The following TYRP1 variants were observed in gnomAD, a reference collection of about 807,000 sequenced individuals.
The protein encoded by TYRP1 is 5,6-dihydroxyindole-2-carboxylic acid oxidase.
Under a neutral mutation model 42.8 loss-of-function variants are expected in TYRP1, and 49 were observed. The ratio of observed to expected loss-of-function variants is 1.14; its 90% CI spans 0.91 to 1.45. The LOEUF is 1.45. Ranked by LOEUF, TYRP1 falls within the 40% of genes most tolerant of loss-of-function variation. The pLI is 0.00. For missense variants in TYRP1, 848 were observed against 662.0 expected (o/e 1.28, Z -3.08); for synonymous variants, 279 against 235.4 (o/e 1.19, Z -1.69).
Position 12,708,154 on chromosome 9 carries a change from A to C in TYRP1, c.1408+11A>C, listed in dbSNP as rs768218812. 2 of 1,612,278 alleles carry C rather than the reference A, an allele frequency of 1.2e-6. No individual in the cohort carries two copies. The highest frequency in any genetic ancestry group is 3.3e-5 in the Admixed American group (2 of 59,772). ...AAATTCAATGGCCAAGTGAGTGTTG[A>C]AAGTGTATTTTTACTGTGATAATTT... On this transcript the variant is annotated intron_variant, in intron 7 of 7. Coordinates refer to ENST00000388918, the MANE Select transcript of TYRP1 (RefSeq NM_000550.3).
chr9:12,701,795 T>C (rs1160687032), intron 4 of TYRP1: 1 of 155,706 alleles, frequency 6.4e-6, no homozygotes, highest in East Asian at 1.9e-4. Flanking sequence ...GGTTGACATA[T>C]GTATCACTTT....
rs1201146073 is a variant in TYRP1, at chr9:12,709,514, A to AAAAT, written c.*335_*338dup. 1.8e-5 allele frequency: 5 copies of AAAAT among 271,422 alleles called. No homozygotes were observed. In the South Asian group the frequency reaches 2.2e-4, roughly 12 times the overall value. The allele number at this position is 271,422 out of a possible 1,614,324, so 16.8% of individuals were successfully genotyped here. ...ACCATGCTTTGTTTACGTGTAAAGG[A>AAAAT]AAATAATGTTTGATAGTAAATGTCC... On this transcript the variant is annotated 3_prime_UTR_variant, in exon 8 of 8. Transcript: ENST00000388918.
At chr9:12,708,580 T>G (rs746309137) in intron 7 of TYRP1, among the ~76,000 whole-genome samples, 5 of 151,942 alleles carry the variant, frequency 3.3e-5, no homozygotes, top group Non-Finnish European at 7.4e-5. Flanking sequence ...TCTTAGGTAT[T>G]TTTCTGAGAT....
At position 12,698,482 on chromosome 9, in the gene TYRP1, C is replaced by T. The variant is rs747320688; in HGVS notation, c.740C>T (p.Pro247Leu). 1.4e-5 allele frequency: 22 copies of T among 1,613,720 alleles called. No individual in the cohort carries two copies. Among genetic ancestry groups the T allele is most frequent in the Non-Finnish European group, 1.9e-5 (22 of 1,179,764 alleles). The change falls in exon 4 of 8, where the codon CCT becomes CTT. Residue 247 changes from proline to leucine, a missense_variant. Coordinates refer to ENST00000388918, the MANE Select transcript of TYRP1 (RefSeq NM_000550.3). The stretch of plus-strand genomic sequence containing the variant: ...TTGCAAGAGCCTTCTTTCTCCCTTC[C>T]TTACTGGAATTTTGCAACGGGGAAA... ...EMLQEPSFSLPYWNFATGKNV... is the reference protein window; with the variant it reads ...EMLQEPSFSLLYWNFATGKNV...
At chr9:12,708,289 A>G (rs2118274095) in intron 7 of TYRP1, 146 bp downstream of exon 7, 1 of 1,008,522 alleles carries the variant, frequency 9.9e-7, no homozygotes, top group Middle Eastern at 2.7e-4. Context: ...AGGATAAGGG[A>G]AGGAATTTGA....
chr9:12,705,217 T>C (rs1388688556), intron 6 of TYRP1, among the ~76,000 whole-genome samples: 1 of 152,036 alleles, frequency 6.6e-6, no homozygotes, highest in African/African-American at 2.4e-5. Context: ...CTCTTTTAAG[T>C]TCATTTCAAT....
chr9:12,709,305 C>A lies in TYRP1; in HGVS notation c.*123C>A, dbSNP rs683. On this transcript the variant is annotated 3_prime_UTR_variant, in exon 8 of 8. Transcript: ENST00000388918. ...TCTTTCTAATACAAGCATATGTTAG[C>A]ATTAAAGTTCTAGGCATACTTTTCA... 578,242 of 1,033,830 alleles carry A rather than the reference C, an allele frequency of 0.56. 181,164 individuals carry two copies. The highest frequency in any genetic ancestry group is 0.66 in the Non-Finnish European group (450,800 of 682,794). The allele number at this position is 1,033,830 out of a possible 1,614,324, so 64.0% of individuals were successfully genotyped here. A position where few individuals can be genotyped will look rare whatever the true frequency, so the allele number is the denominator to read the frequency against.
rs1818112642 is a variant in TYRP1, at chr9:12,698,496, G to A, written c.754G>A (p.Ala252Thr). ...PSFSLPYWNF[A>T]TGKNVCDICT... Reference sequence around the variant, plus strand: ...TTTCTCCCTTCCTTACTGGAATTTTGCAACGGGGAAAAATGTCTGTGATAT... The same window carrying A: ...TTTCTCCCTTCCTTACTGGAATTTTACAACGGGGAAAAATGTCTGTGATAT... Residue 252 changes from alanine (A) to threonine (T), a missense_variant, in exon 4 of 8, where the codon GCA becomes ACA. Transcript: ENST00000388918. 6.2e-7 allele frequency: 1 copy of A among 1,613,772 alleles called. No individual in the cohort carries two copies. The highest frequency in any genetic ancestry group is 8.5e-7 in the Non-Finnish European group (1 of 1,179,794).
At chr9:12,697,591 AAAC>A (rs1475024300) in intron 3 of TYRP1, among the ~76,000 whole-genome samples, 29 of 152,258 alleles carry the variant, frequency 1.9e-4, no homozygotes, top group African/African-American at 7.0e-4. Flanking sequence ...AGATAAGATA[AAAC>A]AATTGCAATC....
At chr9:12,706,262 T>C (rs866286732) in intron 6 of TYRP1, among the ~76,000 whole-genome samples, 1 of 152,140 alleles carries the variant, frequency 6.6e-6, no homozygotes, top group South Asian at 2.1e-4. Context: ...CCGTGGGTGT[T>C]AGTAAACTTT....
chr9:12,708,215 T>A, intron 7 of TYRP1, 72 bp downstream of exon 7: 4 of 1,551,316 alleles, frequency 2.6e-6, no homozygotes, highest in Non-Finnish European at 3.5e-6. Context: ...AGTAGAGTAA[T>A]CACGGTATTC....
intron 7 of TYRP1, 44 bp downstream of exon 7, chr9:12,708,187 C>A: frequency 6.2e-7 from 1 of 1,605,848 alleles, no homozygotes; most frequent in South Asian, 1.1e-5. Flanking sequence ...TTTCCAAAAG[C>A]AAATGTGTTA....
At chr9:12,705,005 C>T (rs142938143) in intron 6 of TYRP1, among the ~76,000 whole-genome samples, 127 of 152,116 alleles carry the variant, frequency 8.3e-4, no homozygotes, top group Middle Eastern at 3.4e-3. Flanking sequence ...TTCTTACCCT[C>T]ATCTTCCAAC....
chr9:12,708,948 T>C (rs779764233), intron 7 of TYRP1, 29 bp from the exon 8 acceptor site: 1 of 1,544,800 alleles, frequency 6.5e-7, no homozygotes. Flanking sequence ...AATATTTGTC[T>C]TTTTATTTTT....
At position 12,693,924 on chromosome 9, in the gene TYRP1, C is replaced by G. The variant is rs963020368; in HGVS notation, c.-73C>G. 2.5e-6 allele frequency: 4 copies of G among 1,592,994 alleles called. No individual in the cohort carries two copies. The highest frequency in any genetic ancestry group is 1.3e-5 in the African/African-American group (1 of 74,330). ...TTCTCTTTTTCAGCTGGATTTTCCT[C>G]TACGTGCTTCAGTCTTCTCTACACA... is the stretch of plus-strand genomic sequence containing the variant. On this transcript the variant is annotated 5_prime_UTR_variant, in exon 2 of 8. Transcript: ENST00000388918.
At position 12,698,660 on chromosome 9, in the gene TYRP1, G is replaced by C. The variant is rs374769303; in HGVS notation, c.913+5G>C. The C allele has an allele frequency of 1.2e-6, 2 of 1,612,664 alleles. No individual in the cohort carries two copies. Among genetic ancestry groups the C allele is most frequent in the Non-Finnish European group, 1.7e-6 (2 of 1,178,938 alleles). On this transcript the variant is annotated splice_donor_5th_base_variant and intron_variant, in intron 4 of 7. Coordinates refer to ENST00000388918, the MANE Select transcript of TYRP1 (RefSeq NM_000550.3). Reference sequence around the variant, plus strand: ...CCCTGGGAACACTTTGTAACAGTAAGTTCCAAATGATAGCTTGGAGTCAGA... The same window carrying C: ...CCCTGGGAACACTTTGTAACAGTAACTTCCAAATGATAGCTTGGAGTCAGA...
chr9:12,705,012 CA>C (rs370663029), intron 6 of TYRP1, among the ~76,000 whole-genome samples: 91 of 152,058 alleles, frequency 6.0e-4, no homozygotes, highest in African/African-American at 2.2e-3. Context: ...CCTCATCTTC[CA>C]ACATAAATTC....
Position 12,708,089 on chromosome 9 carries a change from A to ATGT in TYRP1, c.1356_1358dup (p.Met452_Phe453insLeu), listed in dbSNP as rs1563858023. The stretch of plus-strand genomic sequence containing the variant: ...CTGGCCCCCAGTCACCAACACAGAA[A>ATGT]TGTTTGTTACTGCTCCAGACAACCT... On this transcript the variant is annotated inframe_insertion, in exon 7 of 8. Transcript: ENST00000388918. The ATGT allele has an allele frequency of 1.2e-6, 2 of 1,612,868 alleles. No homozygotes were observed.
Position 12,698,674 on chromosome 9 carries a change from C to T in TYRP1, c.913+19C>T, listed in dbSNP as rs572303764. On this transcript the variant is annotated intron_variant, in intron 4 of 7. Transcript: ENST00000388918. ...TGTAACAGTAAGTTCCAAATGATAG[C>T]TTGGAGTCAGAATTTCTTTTTAGAT... 37 of 1,603,460 alleles carry T rather than the reference C, an allele frequency of 2.3e-5. No homozygotes were observed. The African/African-American group carries it at 2.8e-4, about 12-fold the overall frequency.
Sources: gnomAD v4.1 joint callset for allele counts (sites outside exome capture counted in the v4.1 genomes callset) on GRCh38, gnomAD v4.1.1 for gene constraint, MANE v1.5 for transcripts, NCBI Gene and HGNC (gene_info 2026-07-23, HGNC 2026-07-21) for gene names.